ZNF593: variants seen among roughly 807,000 people sequenced by gnomAD.
ZNF593 encodes BUD20 homolog.
ZNF593 carries 18 observed loss-of-function variants against 12.9 expected under a neutral mutation model. The ratio of observed to expected loss-of-function variants is 1.40; its 90% CI spans 0.96 to 2.07. The LOEUF (loss-of-function observed/expected upper bound fraction) is 2.07, where lower values mean the gene tolerates loss of function less well. Ranked by LOEUF, ZNF593 falls within the 30% of genes most tolerant of loss-of-function variation. The pLI is 0.00. For synonymous variants in ZNF593, 79 were observed against 79.9 expected, an observed-to-expected ratio of 0.99 and a Z score of 0.06; for missense variants, 198 against 186.7, an observed-to-expected ratio of 1.06 and a Z score of -0.35.
In ZNF593 at chr1:26,170,851, A is replaced by G. The variant is rs1017464389; in HGVS notation, c.*135A>G. The G allele has an allele frequency of 5.3e-5, 58 of 1,100,908 alleles. No individual in the cohort carries two copies. Among genetic ancestry groups the G allele is most frequent in the East Asian group, 1.3e-4 (5 of 39,328 alleles). The allele number at this position is 1,100,908 out of a possible 1,614,324, so 68.2% of individuals were successfully genotyped here. On this transcript the variant is annotated 3_prime_UTR_variant, in exon 3 of 3. Transcript: ENST00000374266. ...GCCTCTTCTTGGTGCCCTGCCCCAA[A>G]TAAAGGAACTGGACAAAGAGAACTT... is the stretch of plus-strand genomic sequence containing the variant.
In ZNF593 at chr1:26,170,702, G is replaced by C; in HGVS notation, c.391G>C (p.Asp131His). 1 of 1,606,932 alleles carries C rather than the reference G, an allele frequency of 6.2e-7. No individual in the cohort carries two copies. The highest frequency in any genetic ancestry group is 8.5e-7 in the Non-Finnish European group (1 of 1,179,864). The change falls in exon 3 of 3, where the codon GAT (aspartate) becomes CAT (histidine). Residue 131 changes from aspartate (D) to histidine (H), a missense_variant. Asp to His is a moderately conservative substitution (Grantham distance 81). Coordinates refer to ENST00000374266, the MANE Select transcript of ZNF593 (RefSeq NM_015871.5). ...AGTGTCCACTGAGGTCCCTGAGATG[G>C]ATACCTCTACCTGACATGGCCTGAA... ...TEVSTEVPEM[D>H]TST
In ZNF593 at chr1:26,170,171, G is replaced by C. The variant is rs373774266; in HGVS notation, c.188G>C (p.Cys63Ser). 6.4e-7 allele frequency: 1 copy of C among 1,571,814 alleles called. No individual in the cohort carries two copies. Among genetic ancestry groups the C allele is most frequent in the Non-Finnish European group, 8.6e-7 (1 of 1,162,108 alleles). ...CTGCCAGGGGGCGGTCTGCACCGCT[G>C]TCTGGCCTGCGCGTGAGTCCCGGAC... The part of the protein sequence containing the change: ...PDLPGGGLHR[C>S]LACARYFIDS... The change falls in exon 1 of 3, where the codon TGT becomes TCT. Residue 63 changes from cysteine (C) to serine (S), a missense_variant. By Grantham distance (112) the Cys-to-Ser change is moderately radical (BLOSUM62 -1). Coordinates refer to ENST00000374266, the MANE Select transcript of ZNF593 (RefSeq NM_015871.5).
intron 1 of ZNF593, 116 bp from the exon 2 acceptor site, chr1:26,170,302 C>T (rs768502094): frequency 1.3e-6 from 2 of 1,522,570 alleles, no homozygotes; most frequent in Non-Finnish European, 1.8e-6. Context: ...TGGGTCCGCC[C>T]GCCTCCCGTT....
rs773862937 is a variant in ZNF593 at position 26,170,395 on chromosome 1, C to T, written c.201-23C>T. The T allele has an allele frequency of 1.9e-5, 30 of 1,609,950 alleles. 1 individual carries two copies. In the South Asian group the frequency reaches 3.3e-4, roughly 18 times the overall value. ...TGGGAGACTATCACCTCCTCACTCT[C>T]CTTCTCACTTCCATTCCTACAGGAG... On this transcript the variant is annotated intron_variant, in intron 1 of 2. Coordinates refer to ENST00000374266, the MANE Select transcript of ZNF593 (RefSeq NM_015871.5).
chr1:26,170,005 G>A lies in ZNF593; in HGVS notation c.22G>A (p.Gly8Ser), dbSNP rs1462376494. The A allele has an allele frequency of 6.4e-7, 1 of 1,555,232 alleles. No individual in the cohort carries two copies. Reference sequence around the variant, plus strand: ...GGCCATGGGTCGCTCCCGCCGGACAGGCGCGCACCGAGCGCACTCTCTAGC... The same window carrying A: ...GGCCATGGGTCGCTCCCGCCGGACAAGCGCGCACCGAGCGCACTCTCTAGC... The part of the protein sequence containing the change: MGRSRRT[G>S]AHRAHSLARQ... The change falls in exon 1 of 3, where the codon GGC becomes AGC. Residue 8 changes from glycine (G) to serine (S), a missense_variant. By Grantham distance (56) the Gly-to-Ser change is moderately conservative (BLOSUM62 0). Transcript: ENST00000374266.
Position 26,170,582 on chromosome 1 carries a change from C to T in ZNF593, c.271C>T (p.Gln91Ter). ...TGTTTTTCTTTCTCCCAGGCTGAAG[C>T]AGCTGAGCGTCGAGCCCTACAGTCA... ...RSKDHKKRLKQLSVEPYSQEE... is the reference protein window; with the variant it reads ...RSKDHKKRLK The change falls in exon 3 of 3, where the codon CAG becomes TAG. Residue 91 changes from glutamine (Q) to a stop codon, truncating the protein, a stop_gained. Transcript: ENST00000374266. LOFTEE classifies it high-confidence loss of function. 6.2e-7 allele frequency: 1 copy of T among 1,613,912 alleles called. No individual in the cohort carries two copies. Among genetic ancestry groups the T allele is most frequent in the East Asian group, 2.2e-5 (1 of 44,888 alleles).
rs1028682527 is a variant in ZNF593, at chr1:26,170,613, A to C, written c.302A>C (p.Glu101Ala). 6.2e-7 allele frequency: 1 copy of C among 1,613,602 alleles called. No homozygotes were observed. ...AGCGTCGAGCCCTACAGTCAGGAAG[A>C]GGCGGAGAGGGCAGCGGGTATGGGA... is the stretch of plus-strand genomic sequence containing the variant. ...QLSVEPYSQE[E>A]AERAAGMGSY... The change falls in exon 3 of 3, where the codon GAG becomes GCG. Residue 101 changes from glutamate to alanine, a missense_variant. Glu to Ala is a moderately radical substitution (Grantham distance 107). Coordinates refer to ENST00000374266, the MANE Select transcript of ZNF593 (RefSeq NM_015871.5).
intron 1 of ZNF593, 65 bp downstream of exon 1, chr1:26,170,248 A>C: frequency 6.3e-7 from 1 of 1,577,812 alleles, no homozygotes; most frequent in Non-Finnish European, 8.6e-7. Context: ...GGAGATGTGA[A>C]GTTGAAGCCC....
chr1:26,170,317 A>G, intron 1 of ZNF593, 101 bp from the exon 2 acceptor site: 3 of 1,531,630 alleles, frequency 2.0e-6, no homozygotes, highest in Non-Finnish European at 2.6e-6. Flanking sequence ...CCCGTTTCTC[A>G]GACCCGGATC....
At chr1:26,170,272 G>A in intron 1 of ZNF593, 89 bp downstream of exon 1, 1 of 1,554,926 alleles carries the variant, frequency 6.4e-7, no homozygotes, top group Non-Finnish European at 8.7e-7. Flanking sequence ...GCAGCGCAGA[G>A]TCTTCTCTCT....
In ZNF593 at chr1:26,170,847, C is replaced by T; in HGVS notation, c.*131C>T. The T allele has an allele frequency of 8.3e-7, 1 of 1,207,662 alleles. No individual in the cohort carries two copies. The allele number at this position is 1,207,662 out of a possible 1,614,324, so 74.8% of individuals were successfully genotyped here. A position where few individuals can be genotyped will look rare whatever the true frequency, so the allele number is the denominator to read the frequency against. Reference sequence around the variant, plus strand: ...GAGGGCCTCTTCTTGGTGCCCTGCCCCAAATAAAGGAACTGGACAAAGAGA... The same window carrying T: ...GAGGGCCTCTTCTTGGTGCCCTGCCTCAAATAAAGGAACTGGACAAAGAGA... On this transcript the variant is annotated 3_prime_UTR_variant, in exon 3 of 3. Transcript: ENST00000374266.
chr1:26,170,294 G>A, intron 1 of ZNF593, 111 bp downstream of exon 1: 1 of 1,530,510 alleles, frequency 6.5e-7, no homozygotes, highest in Non-Finnish European at 8.8e-7. Flanking sequence ...GGGACCCGTG[G>A]GTCCGCCCGC....
chr1:26,170,720 G>A lies in ZNF593; in HGVS notation c.*4G>A, dbSNP rs1331073550. 3 of 1,602,730 alleles carry A rather than the reference G, an allele frequency of 1.9e-6. 1 individual carries two copies. The South Asian group carries it at 3.3e-5, about 18-fold the overall frequency. On this transcript the variant is annotated 3_prime_UTR_variant, in exon 3 of 3. Transcript: ENST00000374266. ...TGAGATGGATACCTCTACCTGACATGGCCTGAAGATGCAGGGCAGAGGAAT... is the reference window on the plus strand; with the variant it reads ...TGAGATGGATACCTCTACCTGACATAGCCTGAAGATGCAGGGCAGAGGAAT...
intron 1 of ZNF593, 41 bp downstream of exon 1, chr1:26,170,224 C>T (rs746096418): frequency 1.3e-6 from 2 of 1,581,324 alleles, no homozygotes; most frequent in Non-Finnish European, 1.7e-6. Flanking sequence ...GAGGAGGGTC[C>T]GCGGTACCGG....
chr1:26,170,144 ACCTGCCAGGGGGCGGTCTGC>A lies in ZNF593; in HGVS notation c.162_181del (p.Asp54GlufsTer66). 1 of 1,571,844 alleles carries A rather than the reference ACCTGCCAGGGGGCGGTCTGC, an allele frequency of 6.4e-7. No homozygotes were observed. The highest frequency in any genetic ancestry group is 8.6e-7 in the Non-Finnish European group (1 of 1,161,230). ...GACCCAAACGCCGAGTTCGACCCCGACCTGCCAGGGGGCGGTCTGCACCGCTGTCTGGCCTGCGCGTGAGT... is the reference window on the plus strand; with the variant it reads ...GACCCAAACGCCGAGTTCGACCCCGAACCGCTGTCTGGCCTGCGCGTGAGT... On this transcript the variant is annotated frameshift_variant, in exon 1 of 3. Transcript: ENST00000374266. LOFTEE classifies it high-confidence loss of function.
At position 26,170,667 on chromosome 1, in the gene ZNF593, T is replaced by C. The variant is rs2088487005; in HGVS notation, c.356T>C (p.Val119Ala). Residue 119 changes from valine (V) to alanine (A), a missense_variant, in exon 3 of 3, where the codon GTG becomes GCG. Physicochemically the swap from Val to Ala is moderately conservative, Grantham distance 64 (BLOSUM62 0). Coordinates refer to ENST00000374266, the MANE Select transcript of ZNF593 (RefSeq NM_015871.5). ...TATGTGCCCCCCAGGCGGCTGGCAG[T>C]GCCCACGGAAGTGTCCACTGAGGTC... ...GSYVPPRRLA[V>A]PTEVSTEVPE... The C allele has an allele frequency of 3.1e-6, 5 of 1,611,314 alleles. No homozygotes were observed. The highest frequency in any genetic ancestry group is 1.1e-5 in the South Asian group (1 of 91,086).
rs112992918 is a variant in ZNF593 at position 26,170,734 on chromosome 1, G to A, written c.*18G>A. On this transcript the variant is annotated 3_prime_UTR_variant, in exon 3 of 3. Coordinates refer to ENST00000374266, the MANE Select transcript of ZNF593 (RefSeq NM_015871.5). ...CTACCTGACATGGCCTGAAGATGCA[G>A]GGCAGAGGAATTGCCCATGGACAGT... The A allele has an allele frequency of 2.8e-5, 45 of 1,597,828 alleles. No individual in the cohort carries two copies. The African/African-American group carries it at 3.7e-4, about 13-fold the overall frequency.
In ZNF593 at chr1:26,169,991, G is replaced by A. The variant is rs1181264209; in HGVS notation, c.8G>A (p.Arg3His). Residue 3 changes from arginine to histidine, a missense_variant, in exon 1 of 3, where the codon CGC becomes CAC. Transcript: ENST00000374266. ...GCCGGGCTGTTTCTGGCCATGGGTC[G>A]CTCCCGCCGGACAGGCGCGCACCGA... MG[R>H]SRRTGAHRAH... is the part of the protein sequence containing the mutation. 1.3e-6 allele frequency: 2 copies of A among 1,545,594 alleles called. No individual in the cohort carries two copies. The highest frequency in any genetic ancestry group is 8.7e-7 in the Non-Finnish European group (1 of 1,149,174).
Position 26,169,974 on chromosome 1 carries a change from G to GT in ZNF593, c.-7dup. 6.5e-7 allele frequency: 1 copy of GT among 1,536,690 alleles called. No individual in the cohort carries two copies. The highest frequency in any genetic ancestry group is 8.7e-7 in the Non-Finnish European group (1 of 1,145,036). ...TCCTGGCCCCTTGGCCGGCCGGGCT[G>GT]TTTCTGGCCATGGGTCGCTCCCGCC... On this transcript the variant is annotated 5_prime_UTR_variant, in exon 1 of 3. Coordinates refer to ENST00000374266, the MANE Select transcript of ZNF593 (RefSeq NM_015871.5).
Sources: gnomAD v4.1 joint callset for allele counts on GRCh38, gnomAD v4.1.1 for gene constraint, MANE v1.5 for transcripts, NCBI Gene and HGNC (gene_info 2026-07-23, HGNC 2026-07-21) for gene names.